Variants in MARF1 observed in about 807,000 individuals in gnomAD.
The protein encoded by MARF1 is limkain-b1.
In MARF1, 24 loss-of-function variants were observed where a neutral mutation model predicts 168.2. The observed-to-expected ratio is 0.14, with a 90% CI of 0.10 to 0.20. The LOEUF (loss-of-function observed/expected upper bound fraction) is 0.20. MARF1 is among the 10% of genes least tolerant of loss of function. MARF1 has a pLI of 1.00. For missense variants in MARF1, 1,744 were observed against 2,143.6 expected (o/e 0.81, Z 3.68); for synonymous variants, 868 against 822.4 (o/e 1.06, Z -0.95).
chr16:15,625,853 A>C (rs547643417), intron 7 of MARF1, 53 bp from the exon 8 acceptor site: 4 of 1,434,900 alleles, frequency 2.8e-6, no homozygotes, highest in Admixed American at 3.8e-5. Context: ...GCACACATTC[A>C]ATTTCAAAAT....
intron 21 of MARF1, among the ~76,000 whole-genome samples, chr16:15,607,382 C>G (rs1427449692): frequency 6.6e-6 from 1 of 152,166 alleles, no homozygotes; most frequent in Admixed American, 6.5e-5. Flanking sequence ...AGCCCTGTCT[C>G]TACTAAAAAT....
chr16:15,615,340 T>C (rs188095072), intron 16 of MARF1, among the ~76,000 whole-genome samples: 4 of 151,942 alleles, frequency 2.6e-5, no homozygotes, highest in Admixed American at 6.6e-5. Context: ...AAAAACAAAG[T>C]CTAGGCCGGT....
chr16:15,642,619 A>C (rs1325311432), intron 1 of MARF1: 1 of 150,042 alleles, frequency 6.7e-6, no homozygotes, highest in Admixed American at 6.7e-5. Flanking sequence ...ACTACACCCT[A>C]TGTGTTGCTA....
intron 21 of MARF1, among the ~76,000 whole-genome samples, 187 bp downstream of exon 21, chr16:15,608,104 C>T (rs570774690): frequency 6.6e-6 from 1 of 152,200 alleles, no homozygotes; most frequent in East Asian, 1.9e-4. Flanking sequence ...TCTCAACTTC[C>T]AAACCAAGGC....
In MARF1 at chr16:15,635,818, A is replaced by G. The variant is rs745547278; in HGVS notation, c.669T>C (p.Tyr223=). The part of the protein sequence containing the change: ...PSLQGCTSAG[Y]FPCSDFTSGA... ...CGCTTGTGAAATCAGAACAGGGGAA[A>G]TAGCCAGCGGAGGTGCAGCCCTGCA... The change falls in exon 3 of 27, where the codon TAT becomes TAC. Residue 223 remains tyrosine (Y), a synonymous_variant. Coordinates refer to ENST00000396368, the MANE Select transcript of MARF1 (RefSeq NM_014647.4). The G allele has an allele frequency of 1.2e-6, 2 of 1,614,242 alleles. No individual in the cohort carries two copies. Among genetic ancestry groups the G allele is most frequent in the Non-Finnish European group, 1.7e-6 (2 of 1,180,052 alleles).
chr16:15,598,665 C>T (rs1267442799), intron 26 of MARF1, among the ~76,000 whole-genome samples, 189 bp downstream of exon 26: 1 of 152,014 alleles, frequency 6.6e-6, no homozygotes, highest in Non-Finnish European at 1.5e-5. Flanking sequence ...GCTCGCCAGG[C>T]AACCTCAGGC....
chr16:15,635,318 T>C (rs924378650), intron 3 of MARF1: 10 of 401,972 alleles, frequency 2.5e-5, no homozygotes, highest in Non-Finnish European at 4.0e-5. Context: ...CTACCTTACA[T>C]GAATGGGCCC....
At chr16:15,606,752 G>T (rs1033931053) in intron 21 of MARF1, among the ~76,000 whole-genome samples, 3 of 152,044 alleles carry the variant, frequency 2.0e-5, no homozygotes, top group Admixed American at 2.0e-4. Flanking sequence ...GCCCTTGTAT[G>T]TTCATCTTCT....
chr16:15,635,709 C>T lies in MARF1; in HGVS notation c.778G>A (p.Val260Ile), dbSNP rs1361065770. The change falls in exon 3 of 27, where the codon GTA becomes ATA. Residue 260 changes from valine (V) to isoleucine (I), a missense_variant. Around this residue, in one of 7 missense-constraint regions of MARF1, gnomAD observed 318 missense variants for 336.6 expected, o/e 0.94. Transcript: ENST00000396368. ...LCTNSLHLNVVPPVCLKGSLY... is the reference protein window; with the variant it reads ...LCTNSLHLNVIPPVCLKGSLY... The stretch of plus-strand genomic sequence containing the variant: ...GAGCCCTTTAAACAAACCGGAGGTA[C>T]CACATTAAGGTGCAAAGAGTTGGTG... 3.7e-6 allele frequency: 6 copies of T among 1,614,146 alleles called. No homozygotes were observed. Among genetic ancestry groups the T allele is most frequent in the Non-Finnish European group, 4.2e-6 (5 of 1,180,046 alleles).
rs144275524 is a variant in MARF1, at chr16:15,608,479, C to G, written c.3994G>C (p.Glu1332Gln). 83 of 1,614,118 alleles carry G rather than the reference C, an allele frequency of 5.1e-5. No individual in the cohort carries two copies. Among genetic ancestry groups the G allele is most frequent in the Non-Finnish European group, 6.9e-5 (81 of 1,180,008 alleles). The change falls in exon 21 of 27, where the codon GAG becomes CAG. Residue 1332 changes from glutamate to glutamine, a missense_variant. Physicochemically the swap from Glu to Gln is conservative, Grantham distance 29 (BLOSUM62 2). Transcript: ENST00000396368. Reference sequence around the variant, plus strand: ...GCTAGAGCTTTGAACCGCTCCACCTCTGTCAGAGTAAGGATCTTTTCTTCT... The same window carrying G: ...GCTAGAGCTTTGAACCGCTCCACCTGTGTCAGAGTAAGGATCTTTTCTTCT... ...CGEEKILTLT[E>Q]VERFKALAAQ...
intron 5 of MARF1, among the ~76,000 whole-genome samples, chr16:15,632,623 C>G (rs570297961): frequency 1.3e-5 from 2 of 152,228 alleles, no homozygotes; most frequent in Non-Finnish European, 2.9e-5. Context: ...TTAAAACTAT[C>G]AGGCTCGCAT....
At position 15,633,603 on chromosome 16, in the gene MARF1, T is replaced by C. The variant is rs774373275; in HGVS notation, c.1233+14A>G. ...TCTACTGTAGATTAAAATTATTAAA[T>C]TTTTTTTTTTTACCTGGCAATTATT... On this transcript the variant is annotated intron_variant, in intron 5 of 26. Transcript: ENST00000396368. 1 of 75,614 alleles carries C rather than the reference T, an allele frequency of 1.3e-5. No homozygotes were observed. The highest frequency in any genetic ancestry group is 1.6e-5 in the Non-Finnish European group (1 of 60,722). The allele number at this position is 75,614 out of a possible 1,614,324, so 4.7% of individuals were successfully genotyped here.
chr16:15,616,436 C>G (rs2034048543), intron 15 of MARF1, among the ~76,000 whole-genome samples: 1 of 152,204 alleles, frequency 6.6e-6, no homozygotes, highest in South Asian at 2.1e-4. Context: ...GTACTCTCAA[C>G]ACTTGTGGAG....
At chr16:15,642,239 C>T (rs541402600) in intron 1 of MARF1, among the ~76,000 whole-genome samples, 1 of 152,286 alleles carries the variant, frequency 6.6e-6, no homozygotes, top group East Asian at 1.9e-4. Flanking sequence ...CTCTTCTGTC[C>T]AAAACGGCCT....
In MARF1 at chr16:15,641,560, T is replaced by C. The variant is rs140116143; in HGVS notation, c.-59+1458A>G. ...ACTTATGTCTTCATTCAGCAAATATTTACTTAGTATCTACTATGCAGCAGG... is the reference window on the plus strand; with the variant it reads ...ACTTATGTCTTCATTCAGCAAATATCTACTTAGTATCTACTATGCAGCAGG... On this transcript the variant is annotated intron_variant, in intron 1 of 26. Coordinates refer to ENST00000396368, the MANE Select transcript of MARF1 (RefSeq NM_014647.4). Among the ~76,000 whole-genome samples the C allele has an allele frequency of 1.7e-3, 262 of 152,320 alleles. 1 individual carries two copies. The highest frequency in any genetic ancestry group is 6.1e-3 in the African/African-American group (253 of 41,568).
rs371257610 is a variant in MARF1 at position 15,624,933 on chromosome 16, A to G, written c.2112-6T>C. 78 of 1,613,772 alleles carry G rather than the reference A, an allele frequency of 4.8e-5. No homozygotes were observed. The highest frequency in any genetic ancestry group is 3.3e-4 in the Middle Eastern group (2 of 6,084). ...GGGCACTGAGGTTCTCCTTTCTAAC[A>G]GAAGGGGAAAATTGAAGGCAAAAGG... On this transcript the variant is annotated splice_polypyrimidine_tract_variant and splice_region_variant and intron_variant, in intron 9 of 26. Coordinates refer to ENST00000396368, the MANE Select transcript of MARF1 (RefSeq NM_014647.4).
intron 5 of MARF1, among the ~76,000 whole-genome samples, chr16:15,632,183 A>G (rs1383272741): frequency 6.6e-6 from 1 of 152,164 alleles, no homozygotes; most frequent in Non-Finnish European, 1.5e-5. Context: ...TCCTCCTTTC[A>G]GAAAATAAGT....
intron 21 of MARF1, among the ~76,000 whole-genome samples, chr16:15,607,078 C>G (rs1347622437): frequency 1.3e-5 from 2 of 152,272 alleles, no homozygotes; most frequent in African/African-American, 4.8e-5. Flanking sequence ...CTCTGACCAG[C>G]CCTCCTGCGA....
intron 15 of MARF1, among the ~76,000 whole-genome samples, chr16:15,616,497 C>T (rs1333407301): frequency 2.0e-5 from 3 of 152,170 alleles, no homozygotes. Context: ...AAGAATCTGC[C>T]CTCCTCACGT....
Sources: allele counts gnomAD v4.1 joint callset (sites outside exome capture counted in the v4.1 genomes callset), GRCh38; gene constraint gnomAD v4.1.1; regional missense constraint gnomAD v4.1.1; transcripts MANE v1.5; gene names NCBI Gene and HGNC (gene_info 2026-07-23, HGNC 2026-07-21).